PSD3: variants seen among roughly 807,000 people sequenced by gnomAD.
PSD3 encodes pleckstrin and Sec7 domain containing 3, also known as PH and SEC7 domain-containing protein 3.
In PSD3, 49 loss-of-function variants were observed where a neutral mutation model predicts 105.5. The ratio of observed to expected loss-of-function variants is 0.46; its 90% CI spans 0.37 to 0.59. The LOEUF is 0.59. Among genes scored for constraint, PSD3 ranks in the 20% least tolerant of loss-of-function variants. PSD3 has a pLI of 0.00. For synonymous variants in PSD3, 557 were observed against 457.8 expected (o/e 1.22, Z -2.77); for missense variants, 1,561 against 1,263.8 (o/e 1.24, Z -3.57).
Position 18,839,956 on chromosome 8 carries a change from T to C in PSD3, c.1634+27718A>G, listed in dbSNP as rs554866463. 9.9e-5 allele frequency among the ~76,000 whole-genome samples: 15 copies of C among 152,242 alleles called. No homozygotes were observed. The South Asian group carries it at 2.9e-3, about 29-fold the overall frequency. ...AGAGACAGACAGTGCCACCCTTCCA[T>C]AAAAACTTCTCCCCTCCCACAAACT... is the stretch of plus-strand genomic sequence containing the variant. On this transcript the variant is annotated intron_variant, in intron 4 of 15. Transcript: ENST00000327040.
At chr8:19,020,560 T>G (rs1207905479) in intron 1 of PSD3, among the ~76,000 whole-genome samples, 2 of 152,100 alleles carry the variant, frequency 1.3e-5, no homozygotes, top group Non-Finnish European at 2.9e-5. Context: ...TGGTAGATTT[T>G]GAGCAGAGGG....
intron 13 of PSD3, among the ~76,000 whole-genome samples, chr8:18,573,830 T>C (rs922192024): frequency 5.9e-5 from 9 of 152,142 alleles, no homozygotes; most frequent in African/African-American, 2.2e-4. Flanking sequence ...GGGATCTCTT[T>C]GGAGTGATGG....
intron 9 of PSD3, among the ~76,000 whole-genome samples, chr8:18,747,702 C>A (rs1480668432): frequency 6.6e-6 from 1 of 152,096 alleles, no homozygotes; most frequent in East Asian, 1.9e-4. Flanking sequence ...TGCTTCCTTT[C>A]CAGCTGCTAA....
intron 1 of PSD3, among the ~76,000 whole-genome samples, chr8:19,023,611 T>G (rs1190312464): frequency 6.6e-6 from 1 of 151,818 alleles, no homozygotes; most frequent in Non-Finnish European, 1.5e-5. Context: ...ATTATTTTAA[T>G]TTTTTTGTAG....
At chr8:18,588,232 T>C (rs1218690162) in intron 12 of PSD3, among the ~76,000 whole-genome samples, 1 of 152,128 alleles carries the variant, frequency 6.6e-6, no homozygotes. Flanking sequence ...ACCTTTTTAG[T>C]TTTTAGTTTT....
intron 2 of PSD3, among the ~76,000 whole-genome samples, chr8:18,874,308 C>CGTG (rs1258652069): frequency 6.6e-6 from 1 of 151,748 alleles, no homozygotes; most frequent in Non-Finnish European, 1.5e-5. Flanking sequence ...ACTACAGGTG[C>CGTG]GTGCCACCAT....
intron 11 of PSD3, among the ~76,000 whole-genome samples, chr8:18,621,729 G>A (rs1418703980): frequency 6.6e-6 from 1 of 152,128 alleles, no homozygotes; most frequent in Non-Finnish European, 1.5e-5. Context: ...GAACAGCCAA[G>A]TGCCAAGGGA....
At chr8:18,683,360 A>G (rs1465545781) in intron 9 of PSD3, among the ~76,000 whole-genome samples, 3 of 152,194 alleles carry the variant, frequency 2.0e-5, no homozygotes, top group Admixed American at 1.3e-4. Flanking sequence ...CCAGGGGAGG[A>G]AAGGAAAAAG....
intron 11 of PSD3, among the ~76,000 whole-genome samples, chr8:18,622,681 T>C (rs1375000081): frequency 6.6e-6 from 1 of 152,224 alleles, no homozygotes; most frequent in Non-Finnish European, 1.5e-5. Flanking sequence ...ACAAGGAAGC[T>C]AACTGACATA....
chr8:18,679,623 T>C (rs917288478), intron 9 of PSD3, among the ~76,000 whole-genome samples: 3 of 152,210 alleles, frequency 2.0e-5, no homozygotes, highest in Admixed American at 6.5e-5. Context: ...TATCATTTTG[T>C]CAAAACCCTG....
At position 18,762,889 on chromosome 8, in the gene PSD3, T is replaced by G. The variant is rs1806656117; in HGVS notation, c.2172+2560A>C. On this transcript the variant is annotated intron_variant, in intron 9 of 15. Coordinates refer to ENST00000327040, the MANE Select transcript of PSD3 (RefSeq NM_015310.4). ...AACTACAACAACAAAAAAACAGAAT[T>G]TGGCTTATACTTTTATTTCAACATG... 8 of 1,238,732 alleles carry G rather than the reference T, an allele frequency of 6.5e-6. No individual in the cohort carries two copies. The South Asian group carries it at 9.3e-5, about 14-fold the overall frequency. 76.7% of individuals were successfully genotyped at this position (1,238,732 alleles called of 1,614,324 possible). A position where few individuals can be genotyped will look rare whatever the true frequency, so the allele number is the denominator to read the frequency against.
chr8:19,038,325 T>C (rs1586655568), intron 1 of PSD3, among the ~76,000 whole-genome samples: 1 of 152,284 alleles, frequency 6.6e-6, no homozygotes, highest in African/African-American at 2.4e-5. Context: ...ACTAACCACT[T>C]TGCCTGAATT....
intron 10 of PSD3, among the ~76,000 whole-genome samples, chr8:18,640,313 A>T (rs900898923): frequency 2.6e-5 from 4 of 151,982 alleles, no homozygotes; most frequent in African/African-American, 9.7e-5. Context: ...TACCATGCAA[A>T]CCCTCCACAA....
chr8:18,662,823 C>T (rs1022040684), intron 9 of PSD3, among the ~76,000 whole-genome samples: 1 of 152,152 alleles, frequency 6.6e-6, no homozygotes, highest in African/African-American at 2.4e-5. Context: ...AGCATGACTA[C>T]CTGCTCTCAA....
chr8:18,637,709 T>C (rs1807368540), intron 10 of PSD3, among the ~76,000 whole-genome samples: 1 of 152,232 alleles, frequency 6.6e-6, no homozygotes, highest in East Asian at 1.9e-4. Flanking sequence ...TTCTAGTTTC[T>C]ATATTTTATT....
intron 9 of PSD3, among the ~76,000 whole-genome samples, chr8:18,752,625 TTA>T (rs376621151): frequency 0.039 from 3,589 of 91,478 alleles, 228 homozygotes; most frequent in East Asian, 0.22. Flanking sequence ...ATAATATATA[TTA>T]TATATAATAT....
At chr8:18,939,938 G>A (rs1291208279) in intron 1 of PSD3, 2 of 152,138 alleles carry the variant, frequency 1.3e-5, no homozygotes, top group Non-Finnish European at 2.9e-5. Context: ...GATAAGCATT[G>A]TTTCATGGAA....
intron 9 of PSD3, among the ~76,000 whole-genome samples, chr8:18,687,725 C>T (rs926656024): frequency 2.3e-4 from 35 of 152,006 alleles, no homozygotes; most frequent in Non-Finnish European, 4.4e-4. Flanking sequence ...GCTTGCCCAT[C>T]CCTTTTCTTC....
intron 12 of PSD3, among the ~76,000 whole-genome samples, chr8:18,595,742 T>C (rs1015942445): frequency 6.6e-6 from 1 of 152,038 alleles, no homozygotes; most frequent in Non-Finnish European, 1.5e-5. Context: ...TATGCATCTA[T>C]CATCAAGGCA....
Sources: gnomAD v4.1 joint callset for allele counts (sites outside exome capture counted in the v4.1 genomes callset) on GRCh38, gnomAD v4.1.1 for gene constraint, MANE v1.5 for transcripts, NCBI Gene and HGNC (gene_info 2026-07-23, HGNC 2026-07-21) for gene names.